GABPB1: variants seen among roughly 807,000 people sequenced by gnomAD.
GABPB1 encodes the protein GA binding protein transcription factor subunit beta 1, also known as GA-binding protein subunit beta-1.
In GABPB1, 15 loss-of-function variants were observed where a neutral mutation model predicts 45.9. That is an observed-to-expected ratio of 0.33 (90% CI 0.22 to 0.50). The LOEUF (loss-of-function observed/expected upper bound fraction) is 0.50. GABPB1 is among the 20% of genes least tolerant of loss of function. GABPB1 has a pLI of 0.98. For synonymous variants in GABPB1, 143 were observed against 154.4 expected (o/e 0.93, Z 0.55); for missense variants, 252 against 457.5 (o/e 0.55, Z 4.10).
intron 6 of GABPB1, among the ~76,000 whole-genome samples, chr15:50,291,481 G>C (rs932688982): frequency 1.3e-5 from 2 of 150,804 alleles, no homozygotes; most frequent in Admixed American, 1.3e-4. Flanking sequence ...ACCACGCCTG[G>C]TAATTTTTTT....
intron 6 of GABPB1, among the ~76,000 whole-genome samples, chr15:50,294,173 A>C (rs2046436970): frequency 6.6e-6 from 1 of 152,228 alleles, no homozygotes; most frequent in Non-Finnish European, 1.5e-5. Context: ...ACTGTCTTTG[A>C]AATGTCCTAA....
intron 1 of GABPB1, among the ~76,000 whole-genome samples, chr15:50,348,687 C>T (rs893556178): frequency 1.3e-5 from 2 of 151,852 alleles, no homozygotes; most frequent in East Asian, 3.9e-4. Flanking sequence ...CATGGTGAAA[C>T]CACGTTTCTA....
intron 6 of GABPB1, among the ~76,000 whole-genome samples, chr15:50,294,598 T>C (rs1438474350): frequency 6.6e-6 from 1 of 152,092 alleles, no homozygotes; most frequent in Non-Finnish European, 1.5e-5. Context: ...GGTGGCAGTT[T>C]AACCTGAAAT....
At chr15:50,291,366 T>C (rs1415534387) in intron 6 of GABPB1, among the ~76,000 whole-genome samples, 1 of 152,062 alleles carries the variant, frequency 6.6e-6, no homozygotes, top group African/African-American at 2.4e-5. Flanking sequence ...TCACCCAGGT[T>C]GGAGAGCAGT....
intron 1 of GABPB1, among the ~76,000 whole-genome samples, chr15:50,317,092 A>T (rs1228570793): frequency 6.6e-6 from 1 of 152,118 alleles, no homozygotes; most frequent in Non-Finnish European, 1.5e-5. Flanking sequence ...ATATACCATG[A>T]TCTTAATAGA....
At chr15:50,301,448 T>C in intron 4 of GABPB1, 80 bp from the exon 5 acceptor site, 1 of 1,210,888 alleles carries the variant, frequency 8.3e-7, no homozygotes, top group Non-Finnish European at 1.2e-6. Context: ...TACAAACACA[T>C]ATAAAGGAGT....
At chr15:50,331,708 C>T (rs149273814) in intron 1 of GABPB1, among the ~76,000 whole-genome samples, 1 of 152,226 alleles carries the variant, frequency 6.6e-6, no homozygotes, top group South Asian at 2.1e-4. Context: ...CTGAAACAAG[C>T]GTACTAGTTA....
intron 2 of GABPB1, among the ~76,000 whole-genome samples, chr15:50,305,744 C>T (rs2046926766): frequency 6.6e-6 from 1 of 152,078 alleles, no homozygotes; most frequent in African/African-American, 2.4e-5. Flanking sequence ...ACTTTCCCTT[C>T]TTGGTTATTG....
At chr15:50,307,692 A>T (rs1290297041) in intron 2 of GABPB1, among the ~76,000 whole-genome samples, 1 of 127,248 alleles carries the variant, frequency 7.9e-6, no homozygotes, top group Non-Finnish European at 1.7e-5. Flanking sequence ...ACAGTGTGAG[A>T]CTCCATCTCA....
Position 50,318,878 on chromosome 15 carries a change from T to TACAC in GABPB1, c.1-9084_1-9081dup, listed in dbSNP as rs201694696. On this transcript the variant is annotated intron_variant, in intron 1 of 8. Transcript: ENST00000380877. Reference sequence around the variant, plus strand: ...CATGTCTCTTGTACAGTTTTTCCTTTACACACACACACACAGAGATATGCA... The same window carrying TACAC: ...CATGTCTCTTGTACAGTTTTTCCTTTACACACACACACACACACAGAGATATGCA... Among the ~76,000 whole-genome samples the TACAC allele has an allele frequency of 1.2e-4, 18 of 152,044 alleles. No homozygotes were observed. In the East Asian group the frequency reaches 3.3e-3, roughly 28 times the overall value.
intron 1 of GABPB1, among the ~76,000 whole-genome samples, chr15:50,310,750 AG>A (rs2047104001): frequency 6.6e-6 from 1 of 152,128 alleles, no homozygotes; most frequent in African/African-American, 2.4e-5. Context: ...AGGCTGAGGC[AG>A]GTGGATCCTT....
At chr15:50,343,021 T>C (rs1307822607) in intron 1 of GABPB1, among the ~76,000 whole-genome samples, 1 of 152,124 alleles carries the variant, frequency 6.6e-6, no homozygotes, top group Non-Finnish European at 1.5e-5. Context: ...TGCCTCAGCG[T>C]CCCGAGTAGC....
intron 6 of GABPB1, among the ~76,000 whole-genome samples, chr15:50,290,814 T>C (rs980140716): frequency 6.6e-6 from 1 of 152,202 alleles, no homozygotes; most frequent in Non-Finnish European, 1.5e-5. Flanking sequence ...ATGCTCTTAA[T>C]AATTTATGAA....
chr15:50,286,928 T>G (rs2046180975), intron 7 of GABPB1, among the ~76,000 whole-genome samples: 1 of 152,232 alleles, frequency 6.6e-6, no homozygotes, highest in South Asian at 2.1e-4. Context: ...GGGAAAATTA[T>G]AATTGTTCCA....
chr15:50,343,064 T>C (rs1006575474), intron 1 of GABPB1, among the ~76,000 whole-genome samples: 1 of 152,100 alleles, frequency 6.6e-6, no homozygotes, highest in Non-Finnish European at 1.5e-5. Context: ...CACACCCGGC[T>C]AATTTTTTGT....
intron 1 of GABPB1, among the ~76,000 whole-genome samples, chr15:50,312,864 CTTTTT>C (rs954354774): frequency 2.0e-5 from 3 of 151,802 alleles, no homozygotes; most frequent in Non-Finnish European, 2.9e-5. Flanking sequence ...GGTTGTCTGT[CTTTTT>C]TTTATTGATT....
intron 3 of GABPB1, 36 bp downstream of exon 3, chr15:50,303,930 T>C: frequency 6.6e-7 from 1 of 1,507,152 alleles, no homozygotes; most frequent in Non-Finnish European, 8.9e-7. Flanking sequence ...AACCGTAAAG[T>C]ATTTTAAAAG....
intron 2 of GABPB1, among the ~76,000 whole-genome samples, chr15:50,306,654 C>T (rs897388186): frequency 6.6e-6 from 1 of 151,416 alleles, no homozygotes; most frequent in Non-Finnish European, 1.5e-5. Context: ...AATCTTCCCA[C>T]ATGCCACTCC....
At chr15:50,309,824 C>T (rs1476487535) in intron 1 of GABPB1, 26 bp from the exon 2 acceptor site, 2 of 1,333,852 alleles carry the variant, frequency 1.5e-6, no homozygotes, top group Admixed American at 1.7e-5. Context: ...ATGAACTGAA[C>T]ATCAAAATCT....
Sources: allele counts gnomAD v4.1 joint callset (sites outside exome capture counted in the v4.1 genomes callset), GRCh38; gene constraint gnomAD v4.1.1; transcripts MANE v1.5; gene names NCBI Gene and HGNC (gene_info 2026-07-23, HGNC 2026-07-21).